Variants in ACTR3C observed in about 807,000 individuals in gnomAD.
ACTR3C encodes actin related protein 3C.
ACTR3C carries 18 observed loss-of-function variants against 26.3 expected under a neutral mutation model. That is an observed-to-expected ratio of 0.68 (90% CI 0.47 to 1.01). The LOEUF (loss-of-function observed/expected upper bound fraction) is 1.01, where lower values mean the gene tolerates loss of function less well. ACTR3C is among the 50% of genes least tolerant of loss of function. The pLI is 0.00. For synonymous variants in ACTR3C, 55 were observed against 94.5 expected (o/e 0.58, Z 2.42); for missense variants, 184 against 250.7 (o/e 0.73, Z 1.80).
At chr7:149,985,116 A>G in the ACTR3C span, among the ~76,000 whole-genome samples, 2 of 152,022 alleles carry the variant, frequency 1.3e-5, no homozygotes, top group Non-Finnish European at 2.9e-5. Flanking sequence ...AGTCATATTC[A>G]GATGGGATTT....
chr7:150,195,201 T>C, the ACTR3C span, among the ~76,000 whole-genome samples: 1 of 151,038 alleles, frequency 6.6e-6, no homozygotes, highest in Non-Finnish European at 1.5e-5. Flanking sequence ...GGGAACATAC[T>C]GTTATAACAT....
chr7:149,926,344 T>C, the ACTR3C span, among the ~76,000 whole-genome samples: 1 of 152,330 alleles, frequency 6.6e-6, no homozygotes. Flanking sequence ...TGGCCTTTAA[T>C]TGGTATCTAG....
the ACTR3C span, chr7:150,074,353 T>C: frequency 6.6e-6 from 1 of 152,076 alleles, no homozygotes; most frequent in African/African-American, 2.4e-5. Context: ...AAAAGGTACA[T>C]GGGGCAGAGT....
the ACTR3C span, among the ~76,000 whole-genome samples, chr7:150,159,868 G>A: frequency 6.6e-6 from 1 of 151,936 alleles, no homozygotes; most frequent in African/African-American, 2.4e-5. Flanking sequence ...GCTGTGGCGC[G>A]ATCTCGGCTC....
the ACTR3C span, among the ~76,000 whole-genome samples, chr7:150,127,139 GACACACACACACACACACAC>G: frequency 4.2e-4 from 55 of 129,684 alleles, 1 homozygote; most frequent in Middle Eastern, 3.7e-3. Flanking sequence ...CCTACCATTA[GACACACACACACACACACAC>G]ACACACACAC....
At chr7:150,110,430 C>G in the ACTR3C span, among the ~76,000 whole-genome samples, 3,361 of 89,524 alleles carry the variant, frequency 0.038, 65 homozygotes, top group African/African-American at 0.059. Context: ...AGGCTGGAAG[C>G]AGGTGGGGCT....
At chr7:149,921,781 G>T in the ACTR3C span, among the ~76,000 whole-genome samples, 2 of 152,078 alleles carry the variant, frequency 1.3e-5, no homozygotes, top group East Asian at 3.9e-4. Flanking sequence ...GGAGGCTGAG[G>T]CAGGAGAATG....
the ACTR3C span, among the ~76,000 whole-genome samples, chr7:150,137,597 G>A: frequency 1.3e-5 from 2 of 152,094 alleles, no homozygotes; most frequent in Non-Finnish European, 2.9e-5. Context: ...GAAACAATGA[G>A]GGTTCTTAGG....
chr7:150,316,651 A>T (rs951551900), intron 1 of ACTR3C, among the ~76,000 whole-genome samples: 5 of 151,862 alleles, frequency 3.3e-5, no homozygotes, highest in Non-Finnish European at 7.4e-5. Context: ...ACGCTCAGCT[A>T]ATTTTTGTAT....
the ACTR3C span, among the ~76,000 whole-genome samples, chr7:150,180,323 C>CA: frequency 4.5e-4 from 67 of 148,616 alleles, 2 homozygotes; most frequent in African/African-American, 1.6e-3. Context: ...AAAACAAAAA[C>CA]AAAAAAAAGG....
At chr7:150,243,083 T>A (rs1832277304), downstream of ACTR3C, among the ~76,000 whole-genome samples, 1 of 152,222 alleles carries the variant, frequency 6.6e-6, no homozygotes, top group South Asian at 2.1e-4. Context: ...TGTACCATGC[T>A]AAGCCCTTTG....
chr7:150,138,187 C>G, the ACTR3C span, among the ~76,000 whole-genome samples: 2 of 152,136 alleles, frequency 1.3e-5, no homozygotes, highest in Non-Finnish European at 2.9e-5. Context: ...ACCAAGTAGA[C>G]AACATAAATC....
the ACTR3C span, among the ~76,000 whole-genome samples, chr7:150,121,788 C>A: frequency 6.6e-6 from 1 of 151,864 alleles, no homozygotes; most frequent in Non-Finnish European, 1.5e-5. Context: ...CAATCCTAAG[C>A]AAAAAGAATA....
At chr7:150,154,721 A>G in the ACTR3C span, among the ~76,000 whole-genome samples, 5 of 152,114 alleles carry the variant, frequency 3.3e-5, no homozygotes, top group East Asian at 9.7e-4. Context: ...TGACTAAATC[A>G]CCACCCAGAA....
At chr7:150,249,448 ATTTAT>A (rs1265491485) in intron 6 of ACTR3C, among the ~76,000 whole-genome samples, 2 of 151,920 alleles carry the variant, frequency 1.3e-5, no homozygotes, top group East Asian at 1.9e-4. Context: ...TTTGTTTTTT[ATTTAT>A]TTTATTATTA....
At chr7:149,948,960 T>C in the ACTR3C span, among the ~76,000 whole-genome samples, 1 of 151,326 alleles carries the variant, frequency 6.6e-6, no homozygotes, top group South Asian at 2.1e-4. Flanking sequence ...TCGAAAGCAC[T>C]GCTTTTGTTT....
the ACTR3C span, among the ~76,000 whole-genome samples, chr7:150,064,739 G>A: frequency 2.0e-5 from 3 of 150,688 alleles, no homozygotes; most frequent in African/African-American, 7.3e-5. Context: ...TCCTTTCACT[G>A]GGCTTAGTCA....
At chr7:149,961,194 T>A in the ACTR3C span, among the ~76,000 whole-genome samples, 2 of 149,840 alleles carry the variant, frequency 1.3e-5, no homozygotes, top group African/African-American at 5.0e-5. Flanking sequence ...CTACAGGAAG[T>A]GCACAGAGAG....
In ACTR3C at chr7:150,314,148, G is replaced by A. The variant is rs185379816; in HGVS notation, c.-52+9321C>T. Among the ~76,000 whole-genome samples the A allele has an allele frequency of 9.4e-4, 143 of 152,298 alleles. 1 individual carries two copies. The highest frequency in any genetic ancestry group is 3.3e-3 in the African/African-American group (137 of 41,552). ...CTCATGTGGCACTGGGGCTGTATAC[G>A]TGTCTCCTAGGGTCAGTGGCAGCAG... On this transcript the variant is annotated intron_variant, in intron 1 of 7. Transcript: ENST00000683684.
Sources: allele counts gnomAD v4.1 joint callset (sites outside exome capture counted in the v4.1 genomes callset), GRCh38; gene constraint gnomAD v4.1.1; transcripts MANE v1.5; gene names NCBI Gene and HGNC (gene_info 2026-07-23, HGNC 2026-07-21).